PARD3B: variants seen among roughly 807,000 people sequenced by gnomAD.
PARD3B encodes the protein par-3 family cell polarity regulator beta.
Under a neutral mutation model 130.2 loss-of-function variants are expected in PARD3B, and 103 were observed. The observed-to-expected ratio is 0.79, with a 90% CI of 0.67 to 0.93. The LOEUF (loss-of-function observed/expected upper bound fraction) is 0.93. PARD3B is among the 40% of genes least tolerant of loss of function. PARD3B has a pLI of 0.00. For missense variants in PARD3B, 1,609 were observed against 1,499.2 expected, an observed-to-expected ratio of 1.07 and a Z score of -1.21; for synonymous variants, 583 against 553.2, an observed-to-expected ratio of 1.05 and a Z score of -0.76.
intron 2 of PARD3B, among the ~76,000 whole-genome samples, chr2:204,898,715 G>A (rs2046736734): frequency 6.6e-6 from 1 of 152,054 alleles, no homozygotes; most frequent in South Asian, 2.1e-4. Flanking sequence ...GCTGAAAGTG[G>A]GGTTTTCAAG....
At chr2:204,842,165 T>C (rs2044281461) in intron 2 of PARD3B, among the ~76,000 whole-genome samples, 1 of 152,150 alleles carries the variant, frequency 6.6e-6, no homozygotes, top group South Asian at 2.1e-4. Context: ...TGTGAACATG[T>C]GCTTGTGTGT....
At chr2:204,592,811 C>T (rs1294755185) in intron 1 of PARD3B, among the ~76,000 whole-genome samples, 2 of 152,198 alleles carry the variant, frequency 1.3e-5, no homozygotes, top group Non-Finnish European at 2.9e-5. Context: ...TACTAGTCTA[C>T]TTTTGGTACT....
chr2:204,658,123 A>C (rs2035695886), intron 1 of PARD3B, among the ~76,000 whole-genome samples: 1 of 152,156 alleles, frequency 6.6e-6, no homozygotes, highest in African/African-American at 2.4e-5. Context: ...AGATGACATT[A>C]ATTTTCCATT....
intron 22 of PARD3B, among the ~76,000 whole-genome samples, chr2:205,607,831 T>TACACCCATACACACACACACACACAC (rs1553560828): frequency 2.0e-4 from 23 of 116,224 alleles, no homozygotes; most frequent in African/African-American, 9.4e-4. Context: ...CCAACACCCA[T>TACACCCATACACACACACACACACAC]ACACACACAC....
intron 20 of PARD3B, among the ~76,000 whole-genome samples, chr2:205,442,737 T>G (rs2047764704): frequency 6.6e-6 from 1 of 152,180 alleles, no homozygotes; most frequent in Non-Finnish European, 1.5e-5. Flanking sequence ...TTCCCCCAGA[T>G]CTTTGGAACA....
Position 205,142,335 on chromosome 2 carries a change from T to G in PARD3B, c.1435-16387T>G, listed in dbSNP as rs1487926299. ...CCTTTACTAAACATGATAAAAAGTT[T>G]AGGTGAGAGGTGTTGAAAACTATGA... is the stretch of plus-strand genomic sequence containing the variant. On this transcript the variant is annotated intron_variant, in intron 10 of 22. Coordinates refer to ENST00000406610, the MANE Select transcript of PARD3B (RefSeq NM_001302769.2). This position sits in a 1 kb window ranked among gnomAD's most constrained non-coding sequence, Gnocchi z 4.3. 6.6e-6 allele frequency among the ~76,000 whole-genome samples: 1 copy of G among 152,164 alleles called. No homozygotes were observed. The highest frequency in any genetic ancestry group is 1.5e-5 in the Non-Finnish European group (1 of 68,018).
rs548020529 is a variant in PARD3B at position 204,556,424 on chromosome 2, C to T, written c.120+10305C>T. Among the ~76,000 whole-genome samples the T allele has an allele frequency of 3.9e-5, 6 of 152,204 alleles. No individual in the cohort carries two copies. The East Asian group carries it at 5.8e-4, about 15-fold the overall frequency. On this transcript the variant is annotated intron_variant, in intron 1 of 22. Transcript: ENST00000406610. ...GGCCTCCTGGATGATAAGGCACACA[C>T]GTGAATAAGCCAGTTTTGCTTTAGT...
intron 4 of PARD3B, among the ~76,000 whole-genome samples, chr2:205,083,109 C>G (rs1701525659): frequency 6.6e-6 from 1 of 151,714 alleles, no homozygotes. Flanking sequence ...TTAGTAGAGA[C>G]AAGGTTTCAC....
chr2:205,113,393 G>T (rs200620040), intron 5 of PARD3B, 98 bp from the exon 6 acceptor site: 11,955 of 570,806 alleles, frequency 0.021, 82 homozygotes, highest in East Asian at 0.062. Flanking sequence ...CCTGAGCAGG[G>T]GTGTGTGTGT....
At chr2:205,151,439 G>A (rs1317829316) in intron 10 of PARD3B, among the ~76,000 whole-genome samples, 2 of 152,098 alleles carry the variant, frequency 1.3e-5, no homozygotes, top group Admixed American at 1.3e-4. Flanking sequence ...TATGAATCTG[G>A]GTGCTCCTGT....
chr2:205,342,930 C>A (rs2043596575), intron 18 of PARD3B, among the ~76,000 whole-genome samples: 1 of 152,136 alleles, frequency 6.6e-6, no homozygotes, highest in African/African-American at 2.4e-5. Context: ...GTTACCCAGG[C>A]AATATCTATA....
At chr2:204,660,470 C>T (rs1027967925) in intron 1 of PARD3B, among the ~76,000 whole-genome samples, 22 of 152,014 alleles carry the variant, frequency 1.4e-4, no homozygotes, top group Admixed American at 9.8e-4. Flanking sequence ...GTGTGGTGGC[C>T]TATGAAAATA....
At chr2:205,541,692 C>T (rs2106461214) in intron 21 of PARD3B, among the ~76,000 whole-genome samples, 2 of 151,724 alleles carry the variant, frequency 1.3e-5, no homozygotes, top group Middle Eastern at 6.8e-3. Flanking sequence ...TTTTTCCCTT[C>T]GTGGCAATGA....
intron 18 of PARD3B, among the ~76,000 whole-genome samples, chr2:205,312,366 A>C (rs537518019): frequency 1.3e-5 from 2 of 152,324 alleles, no homozygotes; most frequent in South Asian, 4.1e-4. Flanking sequence ...TCAGATGAAA[A>C]ATGAAAGCCA....
At chr2:205,390,671 T>G (rs2045825661) in intron 18 of PARD3B, among the ~76,000 whole-genome samples, 1 of 152,156 alleles carries the variant, frequency 6.6e-6, no homozygotes, top group Non-Finnish European at 1.5e-5. Context: ...CATCTGAAGA[T>G]GGAACAGTAG....
intron 18 of PARD3B, among the ~76,000 whole-genome samples, chr2:205,359,128 A>T (rs367579830): frequency 6.6e-6 from 1 of 152,202 alleles, no homozygotes; most frequent in African/African-American, 2.4e-5. Flanking sequence ...TGACTCTTAC[A>T]AACACCAAGC....
chr2:205,105,099 A>C lies in PARD3B; in HGVS notation c.593+585A>C, dbSNP rs1043604552. On this transcript the variant is annotated intron_variant, in intron 5 of 22. Coordinates refer to ENST00000406610, the MANE Select transcript of PARD3B (RefSeq NM_001302769.2). This position sits in a 1 kb window ranked among gnomAD's most constrained non-coding sequence, Gnocchi z 4.0. ...TCAGCTCTAGGTAGTGCCTGGGTTCATATCGCAGCTATGCCTCTTTACTAG... is the reference window on the plus strand; with the variant it reads ...TCAGCTCTAGGTAGTGCCTGGGTTCCTATCGCAGCTATGCCTCTTTACTAG... Among the ~76,000 whole-genome samples the C allele has an allele frequency of 2.0e-5, 3 of 152,210 alleles. No individual in the cohort carries two copies. Among genetic ancestry groups the C allele is most frequent in the African/African-American group, 7.2e-5 (3 of 41,452 alleles).
chr2:205,076,032 C>T (rs1701038703), intron 4 of PARD3B, among the ~76,000 whole-genome samples: 1 of 152,050 alleles, frequency 6.6e-6, no homozygotes, highest in Non-Finnish European at 1.5e-5. Context: ...TAATTAAATT[C>T]GTGCAGTATC....
At chr2:205,535,698 T>A (rs1246861367) in intron 21 of PARD3B, among the ~76,000 whole-genome samples, 1 of 152,238 alleles carries the variant, frequency 6.6e-6, no homozygotes, top group East Asian at 1.9e-4. Context: ...AGTGAGTTCA[T>A]TCTGCCACCT....
Sources: allele counts gnomAD v4.1 joint callset (sites outside exome capture counted in the v4.1 genomes callset), GRCh38; gene constraint gnomAD v4.1.1; non-coding constraint Gnocchi (gnomAD v3.1); transcripts MANE v1.5; gene names NCBI Gene and HGNC (gene_info 2026-07-23, HGNC 2026-07-21).